The following SNAPC2 variants were observed in gnomAD, a reference collection of about 807,000 sequenced individuals.
SNAPC2 encodes small nuclear RNA activating complex polypeptide 2.
In SNAPC2, 27 loss-of-function variants were observed where a neutral mutation model predicts 22.9. The observed-to-expected ratio is 1.18, with a 90% CI of 0.87 to 1.63. SNAPC2 has a LOEUF of 1.63. Ranked by LOEUF, SNAPC2 falls within the 40% of genes most tolerant of loss-of-function variation. SNAPC2 has a pLI of 0.00. For synonymous variants in SNAPC2, 272 were observed against 201.0 expected, an observed-to-expected ratio of 1.35 and a Z score of -2.99; for missense variants, 570 against 449.1, an observed-to-expected ratio of 1.27 and a Z score of -2.43.
Position 7,921,522 on chromosome 19 carries a change from C to CA in SNAPC2, c.284dup (p.Pro96AlafsTer13). The CA allele has an allele frequency of 6.2e-7, 1 of 1,612,844 alleles. No individual in the cohort carries two copies. The highest frequency in any genetic ancestry group is 8.5e-7 in the Non-Finnish European group (1 of 1,179,394). Reference sequence around the variant, plus strand: ...TCAGGGACCAAGGCGCCGGGAGGCACAGCCCCCAGCCCCCATAGAGGTGAG... The same window carrying CA: ...TCAGGGACCAAGGCGCCGGGAGGCACAAGCCCCCAGCCCCCATAGAGGTGAG... On this transcript the variant is annotated frameshift_variant, in exon 2 of 5. Transcript: ENST00000221573. LOFTEE classifies it high-confidence loss of function.
In SNAPC2 at chr19:7,922,194, G is replaced by A. The variant is rs141029808; in HGVS notation, c.532G>A (p.Ala178Thr). The A allele has an allele frequency of 3.0e-5, 49 of 1,613,948 alleles. No individual in the cohort carries two copies. The highest frequency in any genetic ancestry group is 8.9e-5 in the East Asian group (4 of 44,890). Residue 178 changes from alanine (A) to threonine (T), a missense_variant, in exon 4 of 5, where the codon GCA becomes ACA. Transcript: ENST00000221573. ...CTCTGCCCCTGCTGCACCTAGCTCCGCACCCAGGACTCCTGACCCTGCCCC... is the reference window on the plus strand; with the variant it reads ...CTCTGCCCCTGCTGCACCTAGCTCCACACCCAGGACTCCTGACCCTGCCCC... ...PSSAPAAPSS[A>T]PRTPDPAPEK...
chr19:7,922,301 G>T lies in SNAPC2; in HGVS notation c.639G>T (p.Leu213Phe). 1 of 1,613,922 alleles carries T rather than the reference G, an allele frequency of 6.2e-7. No homozygotes were observed. The highest frequency in any genetic ancestry group is 8.5e-7 in the Non-Finnish European group (1 of 1,180,024). Reference sequence around the variant, plus strand: ...ACTTTGAGAAGATCTACAAGTACTTGTCCTCTGTCTCCCGAAGTGGCCGCA... The same window carrying T: ...ACTTTGAGAAGATCTACAAGTACTTTTCCTCTGTCTCCCGAAGTGGCCGCA... ...AVDFEKIYKYLSSVSRSGRSP... is the reference protein window; with the variant it reads ...AVDFEKIYKYFSSVSRSGRSP... The change falls in exon 4 of 5, where the codon TTG (leucine) becomes TTT (phenylalanine). Residue 213 changes from leucine (L) to phenylalanine (F), a missense_variant. Transcript: ENST00000221573.
Position 7,921,977 on chromosome 19 carries a change from T to G in SNAPC2, c.373-58T>G, listed in dbSNP as rs986155761. On this transcript the variant is annotated intron_variant, in intron 3 of 4. Transcript: ENST00000221573. ...GGGTGGCAGGGAGGATGGGGGAATGTGTAGACGGTGAGAAGACTTCCCAGC... is the reference window on the plus strand; with the variant it reads ...GGGTGGCAGGGAGGATGGGGGAATGGGTAGACGGTGAGAAGACTTCCCAGC... The G allele has an allele frequency of 2.6e-6, 4 of 1,542,158 alleles. No homozygotes were observed. In the African/African-American group the frequency reaches 5.5e-5, roughly 21 times the overall value.
chr19:7,922,774 C>T lies in SNAPC2; in HGVS notation c.*10C>T, dbSNP rs114183524. 7.6e-4 allele frequency: 1,194 copies of T among 1,562,794 alleles called. 5 individuals carry two copies. The African/African-American group carries it at 0.012, about 16-fold the overall frequency. On this transcript the variant is annotated 3_prime_UTR_variant, in exon 5 of 5. Coordinates refer to ENST00000221573, the MANE Select transcript of SNAPC2 (RefSeq NM_003083.4). Reference sequence around the variant, plus strand: ...CACCCCTGCCAGGTGAGGGGCATGGCGGGCAGGAGGCCACACCAGGCCCCC... The same window carrying T: ...CACCCCTGCCAGGTGAGGGGCATGGTGGGCAGGAGGCCACACCAGGCCCCC...
At position 7,921,478 on chromosome 19, in the gene SNAPC2, A is replaced by C; in HGVS notation, c.239A>C (p.Lys80Thr). The C allele has an allele frequency of 6.2e-7, 1 of 1,613,890 alleles. No individual in the cohort carries two copies. The highest frequency in any genetic ancestry group is 8.5e-7 in the Non-Finnish European group (1 of 1,179,874). The change falls in exon 2 of 5, where the codon AAA becomes ACA. Residue 80 changes from lysine (K) to threonine (T), a missense_variant. Lys to Thr is a moderately conservative substitution (Grantham distance 78, BLOSUM62 -1). Transcript: ENST00000221573. ...KGRVAREAIQ[K>T]VHPGGLQGPR... ...CGCGTAGCCCGGGAGGCCATTCAGA[A>C]AGTGCATCCGGGTGGCCTTCAGGGA... is the stretch of plus-strand genomic sequence containing the variant.
At chr19:7,921,635 G>C in intron 2 of SNAPC2, 70 bp from the exon 3 acceptor site, 1 of 1,607,016 alleles carries the variant, frequency 6.2e-7, no homozygotes, top group Non-Finnish European at 8.5e-7. Context: ...GGATCCCCAG[G>C]AGGAGCAGGG....
In SNAPC2 at chr19:7,920,345, C is replaced by A. The variant is rs771220112; in HGVS notation, c.-22C>A. The stretch of plus-strand genomic sequence containing the variant: ...GCCCATCGGAGAAGCGACCTTACAG[C>A]GCCTGCCTCTTTCTGAGCGGCATGA... On this transcript the variant is annotated 5_prime_UTR_variant, in exon 1 of 5. Transcript: ENST00000221573. 2 of 1,552,396 alleles carry A rather than the reference C, an allele frequency of 1.3e-6. No homozygotes were observed. The highest frequency in any genetic ancestry group is 1.4e-5 in the African/African-American group (1 of 70,412).
chr19:7,921,925 G>A, intron 3 of SNAPC2, 110 bp from the exon 4 acceptor site: 1 of 1,406,812 alleles, frequency 7.1e-7, no homozygotes, highest in Non-Finnish European at 9.8e-7. Flanking sequence ...TGGCTCTGAG[G>A]CCATCTCTTG....
In SNAPC2 at chr19:7,921,788, C is replaced by A. The variant is rs1164915318; in HGVS notation, c.372+15C>A. 2 of 1,610,218 alleles carry A rather than the reference C, an allele frequency of 1.2e-6. No individual in the cohort carries two copies. The highest frequency in any genetic ancestry group is 1.7e-6 in the Non-Finnish European group (2 of 1,177,812). On this transcript the variant is annotated intron_variant, in intron 3 of 4. Coordinates refer to ENST00000221573, the MANE Select transcript of SNAPC2 (RefSeq NM_003083.4). ...CTTTCTCGCAGGTACCGCCATTCCCCCAGGCAGGTCAGGGTGTCCCAGAGG... is the reference window on the plus strand; with the variant it reads ...CTTTCTCGCAGGTACCGCCATTCCCACAGGCAGGTCAGGGTGTCCCAGAGG...
In SNAPC2 at chr19:7,920,400, G is replaced by A. The variant is rs947285100; in HGVS notation, c.34G>A (p.Ala12Thr). Residue 12 changes from alanine to threonine, a missense_variant, in exon 1 of 5, where the codon GCG becomes ACG. Ala to Thr is a moderately conservative substitution (Grantham distance 58, BLOSUM62 0). Transcript: ENST00000221573. The stretch of plus-strand genomic sequence containing the variant: ...ACCTCCCAGGCGGCGAGCGGCCCCG[G>A]CGCGCTATCTGGGCGAGGTGACCGG... Reference protein sequence around the residue: ...KPPPRRRAAPARYLGEVTGPA... With the variant: ...KPPPRRRAAPTRYLGEVTGPA... The A allele has an allele frequency of 2.5e-6, 4 of 1,582,310 alleles. No homozygotes were observed. In the African/African-American group the frequency reaches 5.6e-5, roughly 22 times the overall value.
At position 7,921,181 on chromosome 19, in the gene SNAPC2, G is replaced by C. The variant is rs192634830; in HGVS notation, c.184-242G>C. The C allele has an allele frequency of 3.4e-4, 486 of 1,423,380 alleles. 2 individuals are homozygous for C. The African/African-American group carries it at 6.3e-3, about 18-fold the overall frequency. The allele number at this position is 1,423,380 out of a possible 1,614,324, so 88.2% of individuals were successfully genotyped here. A position where few individuals can be genotyped will look rare whatever the true frequency, so the allele number is the denominator to read the frequency against. On this transcript the variant is annotated intron_variant, in intron 1 of 4. Coordinates refer to ENST00000221573, the MANE Select transcript of SNAPC2 (RefSeq NM_003083.4). Reference sequence around the variant, plus strand: ...GTTGAACGGGGTAGTAGTCAGCATAGGGTTGGGCCCTGGCTGCGTGAAGGA... The same window carrying C: ...GTTGAACGGGGTAGTAGTCAGCATACGGTTGGGCCCTGGCTGCGTGAAGGA...
chr19:7,921,329 C>G (rs952111668), intron 1 of SNAPC2, 94 bp from the exon 2 acceptor site: 31 of 1,584,544 alleles, frequency 2.0e-5, no homozygotes, highest in African/African-American at 2.7e-5. Flanking sequence ...GGCGCAGTAG[C>G]GGGGCCCAGA....
In SNAPC2 at chr19:7,922,447, T is replaced by A; in HGVS notation, c.688T>A (p.Ser230Thr). 6.3e-7 allele frequency: 1 copy of A among 1,584,520 alleles called. No individual in the cohort carries two copies. Among genetic ancestry groups the A allele is most frequent in the Non-Finnish European group, 8.6e-7 (1 of 1,162,998 alleles). The change falls in exon 5 of 5, where the codon TCC becomes ACC. Residue 230 changes from serine to threonine, a missense_variant and splice_region_variant. By Grantham distance (58) the Ser-to-Thr change is moderately conservative. Coordinates refer to ENST00000221573, the MANE Select transcript of SNAPC2 (RefSeq NM_003083.4). ...CCCTCTCCTCCATCCATCACTAGAG[T>A]CCGCTGTGGTCCTCGACCTGCTCAT... ...GRSPELSAAE[S>T]AVVLDLLMSL...
Position 7,922,562 on chromosome 19 carries a change from C to A in SNAPC2, c.803C>A (p.Pro268His). 1 of 1,613,628 alleles carries A rather than the reference C, an allele frequency of 6.2e-7. No homozygotes were observed. ...TACCTACGCCTGACAGCCCCCCAGC[C>A]CATTCCCGCTGGAGGGAGCCTGGGG... ...ETYLRLTAPQPIPAGGSLGPA... is the reference protein window; with the variant it reads ...ETYLRLTAPQHIPAGGSLGPA... The change falls in exon 5 of 5, where the codon CCC (proline) becomes CAC (histidine). Residue 268 changes from proline (P) to histidine (H), a missense_variant. By Grantham distance (77) the Pro-to-His change is moderately conservative. Transcript: ENST00000221573.
In SNAPC2 at chr19:7,920,388, C is replaced by T; in HGVS notation, c.22C>T (p.Arg8Ter). The T allele has an allele frequency of 6.3e-7, 1 of 1,578,742 alleles. No homozygotes were observed. The highest frequency in any genetic ancestry group is 1.7e-5 in the Admixed American group (1 of 58,226). The change falls in exon 1 of 5, where the codon CGA becomes TGA. Residue 8 changes from arginine (R) to a stop codon, truncating the protein, a stop_gained. Coordinates refer to ENST00000221573, the MANE Select transcript of SNAPC2 (RefSeq NM_003083.4). LOFTEE classifies it high-confidence loss of function. ...CGGCATGAAGCCACCTCCCAGGCGG[C>T]GAGCGGCCCCGGCGCGCTATCTGGG... Reference protein sequence around the residue: MKPPPRRRAAPARYLGEV... With the variant: MKPPPRR
In SNAPC2 at chr19:7,921,480, G is replaced by T. The variant is rs1472923614; in HGVS notation, c.241G>T (p.Val81Leu). Reference protein sequence around the residue: ...GRVAREAIQKVHPGGLQGPRR... With the variant: ...GRVAREAIQKLHPGGLQGPRR... ...CGTAGCCCGGGAGGCCATTCAGAAA[G>T]TGCATCCGGGTGGCCTTCAGGGACC... Residue 81 changes from valine (V) to leucine (L), a missense_variant, in exon 2 of 5, where the codon GTG becomes TTG. Transcript: ENST00000221573. The T allele has an allele frequency of 6.2e-7, 1 of 1,613,894 alleles. No individual in the cohort carries two copies. Among genetic ancestry groups the T allele is most frequent in the African/African-American group, 1.3e-5 (1 of 75,044 alleles).
rs1217319474 is a variant in SNAPC2 at position 7,922,621 on chromosome 19, G to C, written c.862G>C (p.Ala288Pro). The C allele has an allele frequency of 1.2e-6, 2 of 1,613,392 alleles. No individual in the cohort carries two copies. The highest frequency in any genetic ancestry group is 2.7e-5 in the African/African-American group (2 of 74,888). Reference protein sequence around the residue: ...AAEGDGAGSKAPEETPPATEK... With the variant: ...AAEGDGAGSKPPEETPPATEK... ...AGAAGGGGATGGGGCTGGCTCCAAG[G>C]CACCAGAGGAGACCCCCCCAGCCAC... The change falls in exon 5 of 5, where the codon GCA (alanine) becomes CCA (proline). Residue 288 changes from alanine (A) to proline (P), a missense_variant. Physicochemically the swap from Ala to Pro is conservative, Grantham distance 27. Coordinates refer to ENST00000221573, the MANE Select transcript of SNAPC2 (RefSeq NM_003083.4).
rs1983598196 is a variant in SNAPC2, at chr19:7,922,126, G to T, written c.464G>T (p.Ser155Ile). The T allele has an allele frequency of 6.2e-7, 1 of 1,613,990 alleles. No individual in the cohort carries two copies. The highest frequency in any genetic ancestry group is 2.2e-5 in the East Asian group (1 of 44,870). Residue 155 changes from serine (S) to isoleucine (I), a missense_variant, in exon 4 of 5, where the codon AGC becomes ATC. Transcript: ENST00000221573. ...TQARGKPLLL[S>I]APGGQEDPAP... Reference sequence around the variant, plus strand: ...GCCCGTGGAAAGCCTTTGCTCCTGAGCGCCCCTGGAGGACAGGAAGACCCC... The same window carrying T: ...GCCCGTGGAAAGCCTTTGCTCCTGATCGCCCCTGGAGGACAGGAAGACCCC...
rs759082920 is a variant in SNAPC2 at position 7,922,668 on chromosome 19, A to G, written c.909A>G (p.Glu303=). ...PPATEKAEHS[E]LKSPWQAAGI... ...CCACCGAGAAGGCCGAGCACAGCGA[A>G]CTGAAATCGCCTTGGCAAGCAGCTG... is the stretch of plus-strand genomic sequence containing the variant. Residue 303 remains glutamate (E), a synonymous_variant, in exon 5 of 5, where the codon GAA becomes GAG. Coordinates refer to ENST00000221573, the MANE Select transcript of SNAPC2 (RefSeq NM_003083.4). The G allele has an allele frequency of 6.2e-7, 1 of 1,613,504 alleles. No individual in the cohort carries two copies. The highest frequency in any genetic ancestry group is 1.7e-5 in the Admixed American group (1 of 60,010).
Sources: gnomAD v4.1 joint callset for allele counts on GRCh38, gnomAD v4.1.1 for gene constraint, MANE v1.5 for transcripts, NCBI Gene and HGNC (gene_info 2026-07-23, HGNC 2026-07-21) for gene names.